Variants in PRP4K observed in about 807,000 individuals in gnomAD.
The protein encoded by PRP4K is pre-mRNA processing factor kinase PRP4K, also known as serine/threonine-protein kinase PRP4 homolog.
the PRP4K span, among the ~76,000 whole-genome samples, chr6:4,035,780 C>T: frequency 3.3e-5 from 5 of 152,088 alleles, no homozygotes; most frequent in South Asian, 2.1e-4. Flanking sequence ...CTAGCTTGAC[C>T]GACATGGAGA....
the PRP4K span, chr6:4,047,349 A>G: frequency 9.9e-7 from 1 of 1,010,420 alleles, no homozygotes; most frequent in South Asian, 1.5e-5. Context: ...TGTAATAAAT[A>G]TTTTGAACAG....
the PRP4K span, among the ~76,000 whole-genome samples, chr6:4,058,065 G>T: frequency 1.3e-5 from 2 of 152,222 alleles, no homozygotes; most frequent in Admixed American, 6.5e-5. Context: ...CCAGACTGGA[G>T]TACAGTTATA....
chr6:4,049,935 A>G, the PRP4K span: 45 of 1,541,406 alleles, frequency 2.9e-5, no homozygotes, highest in South Asian at 5.2e-4. Flanking sequence ...ACAGAAGAAC[A>G]TATTTTTAAA....
chr6:4,035,031 ACT>A, the PRP4K span, among the ~76,000 whole-genome samples: 4 of 151,346 alleles, frequency 2.6e-5, no homozygotes, highest in Admixed American at 1.3e-4. Context: ...AGCAGACAAC[ACT>A]CTGTTCTTTT....
chr6:4,056,560 C>T, the PRP4K span: 2 of 1,599,414 alleles, frequency 1.3e-6, no homozygotes, highest in East Asian at 2.2e-5. Context: ...GGAAGGGAAC[C>T]ATAGCAAGTT....
the PRP4K span, chr6:4,058,728 A>C: frequency 6.2e-7 from 1 of 1,612,446 alleles, no homozygotes; most frequent in Non-Finnish European, 8.5e-7. Context: ...TGTTTTGTAG[A>C]TGATTCGAAA....
the PRP4K span, chr6:4,032,053 C>T: frequency 2.5e-6 from 4 of 1,613,846 alleles, no homozygotes; most frequent in Non-Finnish European, 3.4e-6. Flanking sequence ...AATAAAATTA[C>T]TACAAAGAAA....
At chr6:4,044,816 A>C in the PRP4K span, among the ~76,000 whole-genome samples, 5 of 151,278 alleles carry the variant, frequency 3.3e-5, no homozygotes, top group African/African-American at 1.2e-4. Flanking sequence ...AACTTGTTGG[A>C]GGGCAGAACC....
chr6:4,038,282 GTTTTATTTTA>G, the PRP4K span, among the ~76,000 whole-genome samples: 4 of 151,694 alleles, frequency 2.6e-5, no homozygotes, highest in South Asian at 2.1e-4. Context: ...TCAATGAGGG[GTTTTATTTTA>G]TTTTATTTTA....
chr6:4,021,315 C>T, the PRP4K span: 2 of 1,432,162 alleles, frequency 1.4e-6, no homozygotes, highest in South Asian at 1.2e-5. Context: ...CCAGCTCTTC[C>T]CTACACGGTC....
chr6:4,036,714 G>T, the PRP4K span, among the ~76,000 whole-genome samples: 1 of 151,974 alleles, frequency 6.6e-6, no homozygotes, highest in Non-Finnish European at 1.5e-5. Context: ...TTTTGCCCGG[G>T]CATGGTGGGT....
At chr6:4,035,284 ATTTTTTTTTTTT>A in the PRP4K span, among the ~76,000 whole-genome samples, 16 of 58,800 alleles carry the variant, frequency 2.7e-4, no homozygotes, top group South Asian at 1.1e-3. Context: ...CGCCCGGCTA[ATTTTTTTTTTTT>A]TTTTTTTTTT....
At chr6:4,043,245 T>C in the PRP4K span, among the ~76,000 whole-genome samples, 1 of 152,180 alleles carries the variant, frequency 6.6e-6, no homozygotes, top group African/African-American at 2.4e-5. Context: ...AGAAAGGAAG[T>C]AGGGCAAAAC....
At chr6:4,034,464 A>C in the PRP4K span, among the ~76,000 whole-genome samples, 4 of 152,282 alleles carry the variant, frequency 2.6e-5, no homozygotes, top group African/African-American at 9.6e-5. Context: ...CATTGTAGAA[A>C]GTTATTGCTA....
the PRP4K span, among the ~76,000 whole-genome samples, chr6:4,046,783 A>C: frequency 1.3e-5 from 2 of 151,408 alleles, no homozygotes; most frequent in Admixed American, 6.6e-5. Flanking sequence ...TCAGCCTCCC[A>C]AGTAGCTTGG....
chr6:4,052,386 C>T, the PRP4K span, among the ~76,000 whole-genome samples: 3 of 152,240 alleles, frequency 2.0e-5, no homozygotes, highest in South Asian at 6.2e-4. Context: ...AAATGAAATA[C>T]TTCAAGGAAG....
chr6:4,060,449 A>G, the PRP4K span: 2 of 1,613,910 alleles, frequency 1.2e-6, no homozygotes, highest in East Asian at 2.2e-5. The surrounding 1 kb of genome is among the most constrained non-coding windows in gnomAD (Gnocchi z 4.7). Flanking sequence ...TAATCCAACT[A>G]AGGACCTGTT....
the PRP4K span, among the ~76,000 whole-genome samples, chr6:4,054,800 T>G: frequency 3.3e-5 from 5 of 152,288 alleles, no homozygotes; most frequent in African/African-American, 1.2e-4. Flanking sequence ...CAATTTTTTG[T>G]TTTTTAATTG....
chr6:4,060,880 C>T, the PRP4K span: 1 of 419,468 alleles, frequency 2.4e-6, no homozygotes, highest in South Asian at 3.2e-5. The surrounding 1 kb of genome is among the most constrained non-coding windows in gnomAD (Gnocchi z 4.7). Context: ...TTGCAGTTCA[C>T]ATAAAGACAA....
Sources: gnomAD v4.1 joint callset for allele counts (sites outside exome capture counted in the v4.1 genomes callset) on GRCh38, gnomAD v4.1.1 for gene constraint, Gnocchi (gnomAD v3.1) non-coding constraint, MANE v1.5 for transcripts, NCBI Gene and HGNC (gene_info 2026-07-23, HGNC 2026-07-21) for gene names.